Variants in SLC5A12 observed in about 807,000 individuals in gnomAD.
The protein encoded by SLC5A12 is sodium-coupled monocarboxylate transporter 2.
A neutral mutation model predicts 72.7 loss-of-function variants in SLC5A12; 46 were observed. The ratio of observed to expected loss-of-function variants is 0.63; its 90% CI spans 0.50 to 0.81. The LOEUF (loss-of-function observed/expected upper bound fraction) is 0.81. SLC5A12 is among the 30% of genes least tolerant of loss of function. The probability of loss-of-function intolerance (pLI) is 0.00; values close to 1 mark genes in which losing one functional copy is unlikely to be tolerated. For missense variants in SLC5A12, 683 were observed against 740.7 expected, an observed-to-expected ratio of 0.92 and a Z score of 0.90; for synonymous variants, 275 against 264.4, an observed-to-expected ratio of 1.04 and a Z score of -0.39.
intron 1 of SLC5A12, among the ~76,000 whole-genome samples, chr11:26,715,406 GC>G (rs2133219984): frequency 6.6e-6 from 1 of 152,210 alleles, no homozygotes; most frequent in South Asian, 2.1e-4. Flanking sequence ...AAATACCCTG[GC>G]TTTTTGCCTT....
At chr11:26,692,686 A>C in intron 8 of SLC5A12, 85 bp from the exon 9 acceptor site, 1 of 832,890 alleles carries the variant, frequency 1.2e-6, no homozygotes. Context: ...GCAGATAGAT[A>C]AGGCAGGCCT....
At chr11:26,709,974 A>G (rs4316466) in intron 3 of SLC5A12, among the ~76,000 whole-genome samples, 144,428 of 152,072 alleles carry the variant, frequency 0.95, 68,882 homozygotes, top group Non-Finnish European at 1. Context: ...CCATCAACCC[A>G]TCATCCACAT....
chr11:26,712,824 A>ATATG (rs1855263751), intron 1 of SLC5A12, 118 bp from the exon 2 acceptor site: 2 of 491,706 alleles, frequency 4.1e-6, no homozygotes, highest in Non-Finnish European at 7.1e-6. Flanking sequence ...TGATTTTATG[A>ATATG]TATGTATCCT....
At chr11:26,713,422 C>A (rs1855278303) in intron 1 of SLC5A12, among the ~76,000 whole-genome samples, 1 of 149,262 alleles carries the variant, frequency 6.7e-6, no homozygotes, top group Non-Finnish European at 1.5e-5. Context: ...CCCCTCTCCC[C>A]AAATTTCACA....
chr11:26,689,006 T>G (rs1190202811), intron 9 of SLC5A12, among the ~76,000 whole-genome samples: 1 of 143,040 alleles, frequency 7.0e-6, no homozygotes, highest in Non-Finnish European at 1.5e-5. Flanking sequence ...TGTGGCATAC[T>G]AAGAGCAATA....
chr11:26,710,479 C>T (rs1489041936), intron 3 of SLC5A12, among the ~76,000 whole-genome samples: 1 of 152,082 alleles, frequency 6.6e-6, no homozygotes, highest in African/African-American at 2.4e-5. Flanking sequence ...TAAAAGCATT[C>T]CTATTTCTCC....
chr11:26,705,527 A>G (rs1307364648), intron 4 of SLC5A12, among the ~76,000 whole-genome samples: 1 of 152,142 alleles, frequency 6.6e-6, no homozygotes, highest in Non-Finnish European at 1.5e-5. Context: ...TTGCCCCATC[A>G]CTTCTTTTTT....
In SLC5A12 at chr11:26,667,510, A is replaced by G. The variant is rs1322098176; in HGVS notation, c.*3592T>C. 1 of 151,948 alleles carries G rather than the reference A, an allele frequency of 6.6e-6. No individual in the cohort carries two copies. The highest frequency in any genetic ancestry group is 1.5e-5 in the Non-Finnish European group (1 of 67,896). The allele number at this position is 151,948 out of a possible 1,614,324, so 9.4% of individuals were successfully genotyped here. A position where few individuals can be genotyped will look rare whatever the true frequency, so the allele number is the denominator to read the frequency against. On this transcript the variant is annotated 3_prime_UTR_variant, in exon 15 of 15. Transcript: ENST00000396005. ...GTTCATTTTTAGCAAATACTATATA[A>G]ACAAAGGGAAAAGACCCTCCCCACC...
intron 11 of SLC5A12, among the ~76,000 whole-genome samples, chr11:26,681,866 C>G (rs935898383): frequency 6.6e-6 from 1 of 151,944 alleles, no homozygotes; most frequent in Non-Finnish European, 1.5e-5. Flanking sequence ...GGAAACTGAG[C>G]CTTCTGAGTC....
chr11:26,670,285 A>G lies in SLC5A12; in HGVS notation c.*817T>C, dbSNP rs1004182767. 1 of 152,112 alleles carries G rather than the reference A, an allele frequency of 6.6e-6. No individual in the cohort carries two copies. The highest frequency in any genetic ancestry group is 1.5e-5 in the Non-Finnish European group (1 of 68,016). The allele number at this position is 152,112 out of a possible 1,614,324, so 9.4% of individuals were successfully genotyped here. On this transcript the variant is annotated 3_prime_UTR_variant, in exon 15 of 15. Transcript: ENST00000396005. ...CCAAATTCTATCCTAACAACCTTCT[A>G]TAGGACATTCCTTTTCTCTTTCCTT... is the stretch of plus-strand genomic sequence containing the variant.
chr11:26,682,547 T>C (rs1854434478), intron 11 of SLC5A12, among the ~76,000 whole-genome samples: 1 of 152,168 alleles, frequency 6.6e-6, no homozygotes, highest in Admixed American at 6.6e-5. Flanking sequence ...CACAAATTTA[T>C]AATATTTACT....
intron 12 of SLC5A12, among the ~76,000 whole-genome samples, chr11:26,679,492 C>G (rs1854340648): frequency 6.6e-6 from 1 of 151,946 alleles, no homozygotes; most frequent in South Asian, 2.1e-4. Flanking sequence ...AACTCAAAGA[C>G]AAATGGAAGC....
Position 26,697,223 on chromosome 11 carries a change from A to G in SLC5A12, c.981T>C (p.Phe327=), listed in dbSNP as rs767747332. 2 of 1,613,962 alleles carry G rather than the reference A, an allele frequency of 1.2e-6. No individual in the cohort carries two copies. The highest frequency in any genetic ancestry group is 2.2e-5 in the South Asian group (2 of 91,064). The change falls in exon 8 of 15, where the codon TTT becomes TTC. Residue 327 remains phenylalanine, a synonymous_variant. Coordinates refer to ENST00000396005, the MANE Select transcript of SLC5A12 (RefSeq NM_178498.4). ...GTCCTGGCAGTCCTGGCATTGTGGC[A>G]AATATCTCCATGACAAAGTACGGCA... ...QLMPYFVMEI[F]ATMPGLPGLF... is the part of the protein sequence containing the mutation.
At chr11:26,689,085 C>T (rs1463874861) in intron 9 of SLC5A12, among the ~76,000 whole-genome samples, 12 of 118,432 alleles carry the variant, frequency 1.0e-4, no homozygotes, top group Non-Finnish European at 2.2e-4. Flanking sequence ...GTAAGAAGGA[C>T]GTTACAAAAA....
rs190852843 is a variant in SLC5A12 at position 26,713,081 on chromosome 11, G to T, written c.340-375C>A. Among the ~76,000 whole-genome samples, 149 of 152,070 alleles carry T rather than the reference G, an allele frequency of 9.8e-4. 1 individual carries two copies. The highest frequency in any genetic ancestry group is 3.5e-3 in the African/African-American group (147 of 41,504). ...ATTTTCTCTTTTCTGGATTGCTGTT[G>T]TGGCACCCCAATTGATCTCCCTAAT... On this transcript the variant is annotated intron_variant, in intron 1 of 14. Coordinates refer to ENST00000396005, the MANE Select transcript of SLC5A12 (RefSeq NM_178498.4).
rs986180589 is a variant in SLC5A12, at chr11:26,667,605, CTGTT to C, written c.*3493_*3496del. Reference sequence around the variant, plus strand: ...TGAGTAATAAACTTGGGTTGAGATGCTGTTTATTTATCAAGGTTTACATGTACAA... The same window carrying C: ...TGAGTAATAAACTTGGGTTGAGATGCTATTTATCAAGGTTTACATGTACAA... On this transcript the variant is annotated 3_prime_UTR_variant, in exon 15 of 15. Coordinates refer to ENST00000396005, the MANE Select transcript of SLC5A12 (RefSeq NM_178498.4). 5 of 151,832 alleles carry C rather than the reference CTGTT, an allele frequency of 3.3e-5. No individual in the cohort carries two copies. The highest frequency in any genetic ancestry group is 2.6e-4 in the Admixed American group (4 of 15,214). The allele number at this position is 151,832 out of a possible 1,614,324, so 9.4% of individuals were successfully genotyped here.
At chr11:26,674,596 T>G (rs1176053429) in intron 13 of SLC5A12, among the ~76,000 whole-genome samples, 2 of 152,010 alleles carry the variant, frequency 1.3e-5, no homozygotes, top group Non-Finnish European at 2.9e-5. Context: ...AGAGATGGGA[T>G]TTCACCATGT....
At chr11:26,685,719 CA>C (rs1488398484) in intron 10 of SLC5A12, among the ~76,000 whole-genome samples, 2 of 152,072 alleles carry the variant, frequency 1.3e-5, no homozygotes, top group Non-Finnish European at 2.9e-5. Flanking sequence ...GTGAGTTGGG[CA>C]ACATGAAGAA....
chr11:26,712,411 G>A (rs2133213607), intron 2 of SLC5A12, among the ~76,000 whole-genome samples: 1 of 152,172 alleles, frequency 6.6e-6, no homozygotes, highest in Non-Finnish European at 1.5e-5. Flanking sequence ...TACGTGTTAA[G>A]AAAATGTGGG....
Sources: allele counts gnomAD v4.1 joint callset (sites outside exome capture counted in the v4.1 genomes callset), GRCh38; gene constraint gnomAD v4.1.1; transcripts MANE v1.5; gene names NCBI Gene and HGNC (gene_info 2026-07-23, HGNC 2026-07-21).